The following VTI1A variants were observed in gnomAD, a reference collection of about 807,000 sequenced individuals.
The protein encoded by VTI1A is vesicle transport through interaction with t-SNAREs homolog 1A.
VTI1A carries 22 observed loss-of-function variants against 34.9 expected under a neutral mutation model. The ratio of observed to expected loss-of-function variants is 0.63; its 90% CI spans 0.45 to 0.90. The LOEUF (loss-of-function observed/expected upper bound fraction) is 0.90, where lower values mean the gene tolerates loss of function less well. VTI1A is among the 40% of genes least tolerant of loss of function. The pLI is 0.00. For missense variants in VTI1A, 268 were observed against 275.6 expected (o/e 0.97, Z 0.20); for synonymous variants, 87 against 97.3 (o/e 0.89, Z 0.62).
chr10:112,854,496 T>G, the VTI1A span, among the ~76,000 whole-genome samples: 1 of 151,830 alleles, frequency 6.6e-6, no homozygotes, highest in African/African-American at 2.4e-5. Context: ...CCACTTACAG[T>G]CACCAGCTGG....
intron 5 of VTI1A, among the ~76,000 whole-genome samples, chr10:112,568,851 GC>G (rs1416635440): frequency 6.6e-6 from 1 of 152,034 alleles, no homozygotes; most frequent in African/African-American, 2.4e-5. Context: ...CATGCAGTAG[GC>G]CCACTTAAAA....
At chr10:112,822,323 A>G (rs1199547175), downstream of VTI1A, among the ~76,000 whole-genome samples, 1 of 152,178 alleles carries the variant, frequency 6.6e-6, no homozygotes, top group Non-Finnish European at 1.5e-5. Context: ...GGAGCCTGAG[A>G]ATGGGCTCTG....
At chr10:112,803,671 T>C (rs1852960216) in intron 7 of VTI1A, among the ~76,000 whole-genome samples, 1 of 152,042 alleles carries the variant, frequency 6.6e-6, no homozygotes, top group Non-Finnish European at 1.5e-5. Context: ...GAGGCTGAGG[T>C]GGGAGGATCA....
At position 112,815,495 on chromosome 10, in the gene VTI1A, C is replaced by A; in HGVS notation, c.*112C>A. ...TGACAGGCCCCAGGTGACCCTCTCT[C>A]TCCCTCACCGCCGTTGGGCTGAAGT... On this transcript the variant is annotated 3_prime_UTR_variant, in exon 8 of 8. Coordinates refer to ENST00000393077, the MANE Select transcript of VTI1A (RefSeq NM_145206.4). The A allele has an allele frequency of 2.3e-6, 2 of 883,992 alleles. No individual in the cohort carries two copies. The highest frequency in any genetic ancestry group is 1.5e-5 in the South Asian group (1 of 68,470). The allele number at this position is 883,992 out of a possible 1,614,324, so 54.8% of individuals were successfully genotyped here.
At chr10:112,644,965 G>T (rs1846717646) in intron 5 of VTI1A, among the ~76,000 whole-genome samples, 1 of 152,204 alleles carries the variant, frequency 6.6e-6, no homozygotes, top group Admixed American at 6.5e-5. Context: ...GAATGTGTTT[G>T]TAAGTTGAAA....
In VTI1A at chr10:112,548,611, T is replaced by C. The variant is rs1851226116; in HGVS notation, c.427+10281T>C. 5 of 922,026 alleles carry C rather than the reference T, an allele frequency of 5.4e-6. No individual in the cohort carries two copies. In the Admixed American group the frequency reaches 8.6e-5, roughly 16 times the overall value. The allele number at this position is 922,026 out of a possible 1,614,324, so 57.1% of individuals were successfully genotyped here. A position where few individuals can be genotyped will look rare whatever the true frequency, so the allele number is the denominator to read the frequency against. ...GTGGCAGGTATTATTCATTGAATAA[T>C]GAATAAGATAATATTCATTTAGCCT... On this transcript the variant is annotated intron_variant, in intron 5 of 7. Coordinates refer to ENST00000393077, the MANE Select transcript of VTI1A (RefSeq NM_145206.4).
At chr10:112,770,776 G>C (rs1320176684) in intron 7 of VTI1A, among the ~76,000 whole-genome samples, 1 of 151,996 alleles carries the variant, frequency 6.6e-6, no homozygotes, top group Non-Finnish European at 1.5e-5. Context: ...TGCCATGTTT[G>C]TAGAAATATC....
chr10:112,731,524 G>A (rs537203550), intron 7 of VTI1A, among the ~76,000 whole-genome samples: 3 of 150,292 alleles, frequency 2.0e-5, no homozygotes, highest in Non-Finnish European at 2.9e-5. Flanking sequence ...GCAGTGAGCC[G>A]AGATCGTGCC....
intron 7 of VTI1A, among the ~76,000 whole-genome samples, chr10:112,807,892 G>C (rs933177808): frequency 5.3e-5 from 8 of 151,782 alleles, no homozygotes; most frequent in African/African-American, 1.9e-4. Context: ...GATCTCTAAT[G>C]AATCACATCC....
rs150308732 is a variant in VTI1A at position 112,447,487 on chromosome 10, G to T, written c.94+20G>T. The stretch of plus-strand genomic sequence containing the variant: ...CGCCTGGTGAGAGCCTTGCCCGGCT[G>T]GACGAGGGTGCTGGGGAGAGCTGGG... On this transcript the variant is annotated intron_variant, in intron 1 of 7. Transcript: ENST00000393077. The T allele has an allele frequency of 6.2e-3, 9,961 of 1,611,436 alleles. 31 individuals are homozygous for T. Among genetic ancestry groups the T allele is most frequent in the Non-Finnish European group, 7.7e-3 (9,108 of 1,179,096 alleles).
intron 5 of VTI1A, among the ~76,000 whole-genome samples, chr10:112,587,442 G>C (rs117012470): frequency 6.6e-6 from 1 of 152,054 alleles, no homozygotes; most frequent in Non-Finnish European, 1.5e-5. Context: ...CTGTGACTAA[G>C]AGAAAGTAAT....
chr10:112,794,182 C>T (rs947450423), intron 7 of VTI1A, among the ~76,000 whole-genome samples: 2 of 151,974 alleles, frequency 1.3e-5, no homozygotes, highest in African/African-American at 2.4e-5. Flanking sequence ...ATATTTATTA[C>T]CCCAAAATTT....
chr10:112,841,610 G>A, the VTI1A span, among the ~76,000 whole-genome samples: 5 of 152,160 alleles, frequency 3.3e-5, no homozygotes, highest in East Asian at 1.9e-4. Context: ...GAAAGTGGGC[G>A]TCTGAATCTG....
chr10:112,450,553 A>G (rs1394418305), intron 1 of VTI1A: 1 of 152,210 alleles, frequency 6.6e-6, no homozygotes, highest in South Asian at 2.1e-4. Flanking sequence ...CTTAAATTCA[A>G]GTAGAGTGGG....
At chr10:112,799,714 C>T (rs1463974373) in intron 7 of VTI1A, among the ~76,000 whole-genome samples, 1 of 152,180 alleles carries the variant, frequency 6.6e-6, no homozygotes, top group East Asian at 1.9e-4. Context: ...CAGAGTTCAC[C>T]TGCGCAGATC....
At chr10:112,629,187 T>C (rs996617665) in intron 5 of VTI1A, among the ~76,000 whole-genome samples, 10 of 152,262 alleles carry the variant, frequency 6.6e-5, no homozygotes, top group African/African-American at 2.2e-4. Context: ...GCTGTCATCA[T>C]GGCTGCAGGC....
At chr10:112,671,164 T>G (rs1847832946) in intron 7 of VTI1A, among the ~76,000 whole-genome samples, 1 of 152,220 alleles carries the variant, frequency 6.6e-6, no homozygotes, top group East Asian at 1.9e-4. Flanking sequence ...CCAAAGCCTT[T>G]TATTGAATGC....
At chr10:112,736,858 G>A (rs976103439) in intron 7 of VTI1A, 23 of 872,782 alleles carry the variant, frequency 2.6e-5, no homozygotes, top group Admixed American at 1.6e-4. Flanking sequence ...TGCCCTGGAC[G>A]GAAAATGAGT....
At position 112,519,649 on chromosome 10, in the gene VTI1A, A is replaced by T. The variant is rs367737135; in HGVS notation, c.265-7438A>T. 1.5e-4 allele frequency among the ~76,000 whole-genome samples: 23 copies of T among 152,168 alleles called. No individual in the cohort carries two copies. In the South Asian group the frequency reaches 4.6e-3, roughly 30 times the overall value. ...TCCAGCCTGTTGTGGCGGTGTAATA[A>T]AGTGAAAAGAACACTGGCATTGAGG... On this transcript the variant is annotated intron_variant, in intron 3 of 7. Transcript: ENST00000393077.
Sources: allele counts gnomAD v4.1 joint callset (sites outside exome capture counted in the v4.1 genomes callset), GRCh38; gene constraint gnomAD v4.1.1; transcripts MANE v1.5; gene names NCBI Gene and HGNC (gene_info 2026-07-23, HGNC 2026-07-21).